CAP2: variants seen among roughly 807,000 people sequenced by gnomAD.
The protein encoded by CAP2 is cyclase associated actin cytoskeleton regulatory protein 2, also known as adenylyl cyclase-associated protein 2.
CAP2 carries 24 observed loss-of-function variants against 57.7 expected under a neutral mutation model. The ratio of observed to expected loss-of-function variants is 0.42; its 90% CI spans 0.30 to 0.58. The LOEUF is 0.58. Among genes scored for constraint, CAP2 ranks in the 20% least tolerant of loss-of-function variants. The probability of loss-of-function intolerance (pLI) is 0.22; values close to 1 mark genes in which losing one functional copy is unlikely to be tolerated. For missense variants in CAP2, 501 were observed against 590.3 expected (o/e 0.85, Z 1.57); for synonymous variants, 194 against 207.2 (o/e 0.94, Z 0.55).
intron 12 of CAP2, among the ~76,000 whole-genome samples, chr6:17,552,279 G>T (rs1334100229): frequency 6.6e-6 from 1 of 152,178 alleles, no homozygotes; most frequent in Non-Finnish European, 1.5e-5. Flanking sequence ...TGAAAAGGGA[G>T]TATGAATAAA....
At chr6:17,500,519 C>A (rs1460232827) in intron 4 of CAP2, among the ~76,000 whole-genome samples, 1 of 151,074 alleles carries the variant, frequency 6.6e-6, no homozygotes, top group African/African-American at 2.4e-5. Flanking sequence ...ATTTGGATAA[C>A]CTTTGCTTGA....
intron 3 of CAP2, among the ~76,000 whole-genome samples, chr6:17,436,585 G>T (rs75159819): frequency 3.3e-5 from 5 of 152,108 alleles, no homozygotes; most frequent in African/African-American, 1.2e-4. Context: ...AGAGGGAGGC[G>T]GGTATCAGAA....
At chr6:17,529,651 A>AAATATAT (rs10656588) in intron 7 of CAP2, among the ~76,000 whole-genome samples, 10 of 134,542 alleles carry the variant, frequency 7.4e-5, no homozygotes, top group South Asian at 2.4e-4. Context: ...AAAAAAAAAA[A>AAATATAT]ATATATATAT....
At chr6:17,396,564 T>A (rs76684486) in intron 1 of CAP2, among the ~76,000 whole-genome samples, 1 of 152,224 alleles carries the variant, frequency 6.6e-6, no homozygotes, top group Non-Finnish European at 1.5e-5. Flanking sequence ...ACGTACTGTA[T>A]GATCTATTCA....
At chr6:17,540,936 C>A (rs1014761416) in intron 8 of CAP2, 37 bp from the exon 9 acceptor site, 3 of 1,565,676 alleles carry the variant, frequency 1.9e-6, no homozygotes, top group East Asian at 4.5e-5. Context: ...TTTCCCTTTG[C>A]ATAAAATAAA....
chr6:17,480,862 C>T (rs1455436208), intron 4 of CAP2, among the ~76,000 whole-genome samples: 9 of 150,898 alleles, frequency 6.0e-5, no homozygotes, highest in Non-Finnish European at 1.0e-4. Context: ...GCAACCTCCG[C>T]CTCCTGATTT....
intron 7 of CAP2, among the ~76,000 whole-genome samples, chr6:17,514,492 G>A (rs942688007): frequency 3.9e-5 from 6 of 152,202 alleles, no homozygotes; most frequent in African/African-American, 1.4e-4. Context: ...TCTCACGCCT[G>A]TAATCCCAGC....
intron 4 of CAP2, among the ~76,000 whole-genome samples, chr6:17,504,792 T>C (rs1256053646): frequency 6.6e-6 from 1 of 152,210 alleles, no homozygotes; most frequent in East Asian, 1.9e-4. Flanking sequence ...TTATTACATG[T>C]GAATGCCCTC....
At chr6:17,505,335 C>T (rs1761950325) in intron 4 of CAP2, among the ~76,000 whole-genome samples, 1 of 152,188 alleles carries the variant, frequency 6.6e-6, no homozygotes, top group African/African-American at 2.4e-5. Flanking sequence ...ACCGCAGCTG[C>T]ACATAATTTA....
Position 17,551,622 on chromosome 6 carries a change from G to C in CAP2, c.1350+18G>C. 6.5e-7 allele frequency: 1 copy of C among 1,550,378 alleles called. No individual in the cohort carries two copies. The highest frequency in any genetic ancestry group is 8.7e-7 in the Non-Finnish European group (1 of 1,146,296). Reference sequence around the variant, plus strand: ...GTGATTATGTAAGTACCTTTCAAAAGGCTGTCAAGAATTTTTCTGGAGCCT... The same window carrying C: ...GTGATTATGTAAGTACCTTTCAAAACGCTGTCAAGAATTTTTCTGGAGCCT... On this transcript the variant is annotated intron_variant, in intron 12 of 12. Coordinates refer to ENST00000229922, the MANE Select transcript of CAP2 (RefSeq NM_006366.3).
chr6:17,535,627 G>C (rs866499161), intron 7 of CAP2, among the ~76,000 whole-genome samples: 23 of 151,212 alleles, frequency 1.5e-4, no homozygotes, highest in Admixed American at 1.2e-3. Context: ...CCTGAAGAAG[G>C]CTTTAGAATC....
intron 4 of CAP2, among the ~76,000 whole-genome samples, chr6:17,496,031 G>GGGGC (rs1561804646): frequency 6.0e-5 from 8 of 134,356 alleles, no homozygotes; most frequent in East Asian, 2.4e-4. Context: ...TGTGGGTGGG[G>GGGGC]GGGGGGGGTA....
Position 17,421,615 on chromosome 6 carries a change from G to T in CAP2, c.60G>T (p.Ser20=), listed in dbSNP as rs34235894. Residue 20 remains serine (S), a synonymous_variant, in exon 2 of 13, where the codon TCG becomes TCT. Transcript: ENST00000229922. ...AACGAGCTGTCAGCCGCCTGGAGTC[G>T]CTGTCTGCAGAGTCCCACAGGCCCC... ...RLERAVSRLE[S]LSAESHRPPG... 4 of 1,613,966 alleles carry T rather than the reference G, an allele frequency of 2.5e-6. No homozygotes were observed. The South Asian group carries it at 4.4e-5, about 18-fold the overall frequency.
chr6:17,550,246 AAAAT>A (rs10629532), intron 11 of CAP2, among the ~76,000 whole-genome samples: 2 of 151,228 alleles, frequency 1.3e-5, no homozygotes, highest in Non-Finnish European at 2.9e-5. Context: ...ACTCTATCTC[AAAAT>A]AAATAAATAA....
At chr6:17,396,330 C>CA (rs1487795325) in intron 1 of CAP2, among the ~76,000 whole-genome samples, 10 of 152,062 alleles carry the variant, frequency 6.6e-5, no homozygotes, top group Admixed American at 3.9e-4. Context: ...CATATGCTCA[C>CA]AAAAAAACCT....
At chr6:17,527,024 A>G (rs1762529232) in intron 7 of CAP2, among the ~76,000 whole-genome samples, 1 of 151,470 alleles carries the variant, frequency 6.6e-6, no homozygotes, top group Non-Finnish European at 1.5e-5. Context: ...TCCAGTCTGC[A>G]CCCTTGATGC....
chr6:17,464,358 A>T (rs1304696471), intron 4 of CAP2, among the ~76,000 whole-genome samples: 1 of 152,254 alleles, frequency 6.6e-6, no homozygotes, highest in African/African-American at 2.4e-5. Flanking sequence ...GAATTATGAA[A>T]CAAACTCCTG....
intron 1 of CAP2, among the ~76,000 whole-genome samples, chr6:17,394,613 T>C (rs1051311596): frequency 6.6e-6 from 1 of 152,210 alleles, no homozygotes. Context: ...TTTGGTTTTA[T>C]AGTTATGGAA....
intron 4 of CAP2, among the ~76,000 whole-genome samples, chr6:17,476,380 A>G (rs1761150856): frequency 6.6e-6 from 1 of 152,212 alleles, no homozygotes; most frequent in Non-Finnish European, 1.5e-5. Flanking sequence ...AGAATTTGAA[A>G]TGTCTTTTCA....
Sources: gnomAD v4.1 joint callset for allele counts (sites outside exome capture counted in the v4.1 genomes callset) on GRCh38, gnomAD v4.1.1 for gene constraint, MANE v1.5 for transcripts, NCBI Gene and HGNC (gene_info 2026-07-23, HGNC 2026-07-21) for gene names.